Variants in FAM234A observed in about 807,000 individuals in gnomAD.
FAM234A encodes the protein protein FAM234A.
FAM234A carries 42 observed loss-of-function variants against 49.1 expected under a neutral mutation model. That is an observed-to-expected ratio of 0.86 (90% CI 0.67 to 1.11). FAM234A has a LOEUF of 1.11. Ranked by LOEUF, FAM234A falls within the 50% of genes least tolerant of loss-of-function variation. The pLI is 0.00. For missense variants in FAM234A, 815 were observed against 745.2 expected (o/e 1.09, Z -1.09); for synonymous variants, 369 against 316.2 (o/e 1.17, Z -1.77).
At chr16:240,006 A>G (rs2142217092) in intron 1 of FAM234A, among the ~76,000 whole-genome samples, 1 of 152,240 alleles carries the variant, frequency 6.6e-6, no homozygotes, top group South Asian at 2.1e-4. Context: ...AAACAACTGG[A>G]CACAGTAGCT....
chr16:267,535 CCA>C (rs1439925957), downstream of FAM234A, among the ~76,000 whole-genome samples: 2 of 151,320 alleles, frequency 1.3e-5, no homozygotes, highest in Non-Finnish European at 2.9e-5. Flanking sequence ...TGCACACACA[CCA>C]CACATGCATG....
intron 3 of FAM234A, 67 bp downstream of exon 3, chr16:254,748 G>T: frequency 2.0e-6 from 3 of 1,507,666 alleles, no homozygotes; most frequent in Non-Finnish European, 2.7e-6. Context: ...GGCGGAGGGG[G>T]CAGAACTGTG....
In FAM234A at chr16:265,358, T is replaced by A. The variant is rs1774610130; in HGVS notation, c.*336T>A. 1 of 1,095,020 alleles carries A rather than the reference T, an allele frequency of 9.1e-7. No individual in the cohort carries two copies. The highest frequency in any genetic ancestry group is 4.9e-5 in the Admixed American group (1 of 20,392). The allele number at this position is 1,095,020 out of a possible 1,614,324, so 67.8% of individuals were successfully genotyped here. A position where few individuals can be genotyped will look rare whatever the true frequency, so the allele number is the denominator to read the frequency against. On this transcript the variant is annotated 3_prime_UTR_variant, in exon 13 of 13. Coordinates refer to ENST00000399932, the MANE Select transcript of FAM234A (RefSeq NM_032039.4). ...CAGAGCTGGGTCATGCAGCACCCCATCCTTACCCGGTGCCCTCTCCTTGCC... is the reference window on the plus strand; with the variant it reads ...CAGAGCTGGGTCATGCAGCACCCCAACCTTACCCGGTGCCCTCTCCTTGCC...
In FAM234A at chr16:251,012, A is replaced by AAT. The variant is rs78887357; in HGVS notation, c.-34+1359_-34+1360dup. 1.2e-3 allele frequency among the ~76,000 whole-genome samples: 182 copies of AAT among 152,266 alleles called. 3 individuals carry two copies. The East Asian group carries it at 0.03, about 25-fold the overall frequency. On this transcript the variant is annotated intron_variant, in intron 2 of 12. Coordinates refer to ENST00000399932, the MANE Select transcript of FAM234A (RefSeq NM_032039.4). ...CCCTCTATTGCCCAGGCTGGAGTGCAATGGTGCAATCTTGGCTCACTGCAA... is the reference window on the plus strand; with the variant it reads ...CCCTCTATTGCCCAGGCTGGAGTGCAATATGGTGCAATCTTGGCTCACTGCAA...
chr16:250,254 C>T (rs1308015202), intron 2 of FAM234A, among the ~76,000 whole-genome samples: 1 of 152,232 alleles, frequency 6.6e-6, no homozygotes, highest in African/African-American at 2.4e-5. Flanking sequence ...TTAAACATTT[C>T]ACACATCCCT....
chr16:246,192 G>A (rs1461009642), intron 1 of FAM234A, among the ~76,000 whole-genome samples: 1 of 151,412 alleles, frequency 6.6e-6, no homozygotes, highest in Admixed American at 6.6e-5. Context: ...TCCCGCCTAG[G>A]TGACAGAGCA....
intron 1 of FAM234A, chr16:240,372 C>T (rs2050568123): frequency 6.6e-6 from 1 of 152,112 alleles, no homozygotes; most frequent in African/African-American, 2.4e-5. Context: ...TTTCTTTCTG[C>T]CAGGTAAGAG....
intron 3 of FAM234A, among the ~76,000 whole-genome samples, chr16:255,451 G>A (rs1408849261): frequency 6.6e-6 from 1 of 152,172 alleles, no homozygotes; most frequent in African/African-American, 2.4e-5. Context: ...GCATGCAGCT[G>A]TGGTCCCAGC....
intron 1 of FAM234A, among the ~76,000 whole-genome samples, chr16:240,546 A>T (rs908625319): frequency 6.6e-6 from 1 of 151,256 alleles, no homozygotes; most frequent in African/African-American, 2.4e-5. Flanking sequence ...CTTGTTGCCA[A>T]GGCTGGAGTA....
At chr16:269,458 C>T (rs770379380), downstream of FAM234A, 49 of 1,598,046 alleles carry the variant, frequency 3.1e-5, no homozygotes, top group Non-Finnish European at 2.7e-5. Context: ...GCCCCAGCAG[C>T]CCCCAGGCCA....
At chr16:256,467 ATCT>A (rs1284432780) in intron 3 of FAM234A, among the ~76,000 whole-genome samples, 1 of 152,028 alleles carries the variant, frequency 6.6e-6, no homozygotes, top group East Asian at 1.9e-4. Flanking sequence ...CCATTCTTGC[ATCT>A]TCTTTGGTGA....
chr16:254,656 G>C lies in FAM234A; in HGVS notation c.243G>C (p.Met81Ile). The C allele has an allele frequency of 6.2e-7, 1 of 1,614,040 alleles. No individual in the cohort carries two copies. Among genetic ancestry groups the C allele is most frequent in the East Asian group, 2.2e-5 (1 of 44,888 alleles). The change falls in exon 3 of 13, where the codon ATG (methionine) becomes ATC (isoleucine). Residue 81 changes from methionine to isoleucine, a missense_variant. Physicochemically the swap from Met to Ile is conservative, Grantham distance 10. Transcript: ENST00000399932. Reference sequence around the variant, plus strand: ...CAGACCGGCCGGCGTCACAGCGAATGTGGAGGATAGACTACAGTGCCGCTG... The same window carrying C: ...CAGACCGGCCGGCGTCACAGCGAATCTGGAGGATAGACTACAGTGCCGCTG... ...PCPDRPASQR[M>I]WRIDYSAAVI...
rs375233884 is a variant in FAM234A, at chr16:260,474, G to A, written c.577+314G>A. On this transcript the variant is annotated intron_variant, in intron 5 of 12. Coordinates refer to ENST00000399932, the MANE Select transcript of FAM234A (RefSeq NM_032039.4). ...AGGAGGAGCGGCTTGGCCCCCGGCT[G>A]CTCCTGGGGTGTCAGTGGTGGCAGT... is the stretch of plus-strand genomic sequence containing the variant. The A allele has an allele frequency of 4.3e-4, 213 of 497,346 alleles. 1 individual carries two copies. The highest frequency in any genetic ancestry group is 3.9e-3 in the African/African-American group (201 of 51,860). The allele number at this position is 497,346 out of a possible 1,614,324, so 30.8% of individuals were successfully genotyped here. A position where few individuals can be genotyped will look rare whatever the true frequency, so the allele number is the denominator to read the frequency against.
intron 2 of FAM234A, among the ~76,000 whole-genome samples, chr16:252,332 C>T (rs2051053626): frequency 6.6e-6 from 1 of 151,880 alleles, no homozygotes; most frequent in Non-Finnish European, 1.5e-5. Flanking sequence ...CAGGCGCCCG[C>T]CACCATGCCC....
At chr16:253,141 C>T (rs2051087494) in intron 2 of FAM234A, among the ~76,000 whole-genome samples, 1 of 152,168 alleles carries the variant, frequency 6.6e-6, no homozygotes, top group Non-Finnish European at 1.5e-5. Context: ...GGCCCTGTGC[C>T]TTTCCCATGT....
At chr16:255,079 C>T (rs2051178488) in intron 3 of FAM234A, among the ~76,000 whole-genome samples, 2 of 152,148 alleles carry the variant, frequency 1.3e-5, no homozygotes, top group Non-Finnish European at 2.9e-5. Flanking sequence ...TGGTCTCGAA[C>T]TCCTGAGCTC....
At chr16:260,705 GC>G (rs1305953809) in intron 5 of FAM234A, 1 of 460,974 alleles carries the variant, frequency 2.2e-6, no homozygotes, top group African/African-American at 2.0e-5. Context: ...AGATTTCTGT[GC>G]CTAGATTTGG....
Position 265,241 on chromosome 16 carries a change from C to G in FAM234A, c.*219C>G, listed in dbSNP as rs1426478166. On this transcript the variant is annotated 3_prime_UTR_variant, in exon 13 of 13. Coordinates refer to ENST00000399932, the MANE Select transcript of FAM234A (RefSeq NM_032039.4). ...GGCCTCTCTCCCGCCCAGCATCCTC[C>G]CTGAGTCCCCACACAGGGCCTCACT... The G allele has an allele frequency of 7.6e-5, 105 of 1,375,932 alleles. No homozygotes were observed. The highest frequency in any genetic ancestry group is 9.3e-5 in the Non-Finnish European group (99 of 1,067,388). 85.2% of individuals were successfully genotyped at this position (1,375,932 alleles called of 1,614,324 possible).
At chr16:236,014 A>G (rs1190840424) in intron 1 of FAM234A, among the ~76,000 whole-genome samples, 1 of 151,748 alleles carries the variant, frequency 6.6e-6, no homozygotes, top group South Asian at 2.1e-4. Flanking sequence ...TTAGCTGCGT[A>G]TGGTGGCAGG....
Sources: allele counts gnomAD v4.1 joint callset (sites outside exome capture counted in the v4.1 genomes callset), GRCh38; gene constraint gnomAD v4.1.1; transcripts MANE v1.5; gene names NCBI Gene and HGNC (gene_info 2026-07-23, HGNC 2026-07-21).